Variants in GPC5 observed in about 807,000 individuals in gnomAD.
GPC5 encodes glypican-5.
GPC5 carries 47 observed loss-of-function variants against 53.9 expected under a neutral mutation model. The ratio of observed to expected loss-of-function variants is 0.87; its 90% CI spans 0.69 to 1.11. The LOEUF is 1.11. GPC5 is among the 50% of genes most tolerant of loss of function. The pLI, the probability that GPC5 is intolerant of heterozygous loss-of-function variation, is 0.00. For missense variants in GPC5, 748 were observed against 713.1 expected, an observed-to-expected ratio of 1.05 and a Z score of -0.56; for synonymous variants, 286 against 263.3, an observed-to-expected ratio of 1.09 and a Z score of -0.84.
At chr13:92,328,254 C>T (rs187926692) in intron 7 of GPC5, among the ~76,000 whole-genome samples, 193 of 152,192 alleles carry the variant, frequency 1.3e-3, no homozygotes, top group Non-Finnish European at 2.4e-3. Flanking sequence ...TAGTGATTTT[C>T]TTGGGTAGGC....
chr13:92,171,065 C>T (rs962349684), intron 7 of GPC5, among the ~76,000 whole-genome samples: 1 of 152,124 alleles, frequency 6.6e-6, no homozygotes, highest in African/African-American at 2.4e-5. Context: ...AGACACTTCT[C>T]TCTAACTACC....
At chr13:92,836,056 AG>A (rs1878207233) in intron 7 of GPC5, among the ~76,000 whole-genome samples, 1 of 151,856 alleles carries the variant, frequency 6.6e-6, no homozygotes, top group South Asian at 2.1e-4. Context: ...TGTCAATTGC[AG>A]GGATGATTTT....
At chr13:92,550,187 C>T (rs955053492) in intron 7 of GPC5, among the ~76,000 whole-genome samples, 2 of 151,040 alleles carry the variant, frequency 1.3e-5, no homozygotes, top group African/African-American at 2.4e-5. Flanking sequence ...TATTTGATTC[C>T]AATAATAGAA....
intron 7 of GPC5, among the ~76,000 whole-genome samples, chr13:92,385,905 G>A (rs571309777): frequency 6.1e-4 from 92 of 150,070 alleles, no homozygotes; most frequent in African/African-American, 2.1e-3. Flanking sequence ...AGTGACTCAC[G>A]TAAGCTTTAG....
chr13:92,269,791 A>C (rs1002910678), intron 7 of GPC5, among the ~76,000 whole-genome samples: 1 of 152,318 alleles, frequency 6.6e-6, no homozygotes, highest in Non-Finnish European at 1.5e-5. Context: ...TGCCAAAGCT[A>C]GAGCAGGATT....
At chr13:92,054,962 C>T (rs574326076) in intron 6 of GPC5, among the ~76,000 whole-genome samples, 4 of 152,150 alleles carry the variant, frequency 2.6e-5, no homozygotes, top group African/African-American at 9.6e-5. Context: ...TTTTCTGTCT[C>T]AAGAGTAACA....
intron 7 of GPC5, among the ~76,000 whole-genome samples, chr13:92,263,734 T>A (rs1173461663): frequency 2.0e-5 from 3 of 152,280 alleles, no homozygotes; most frequent in Non-Finnish European, 4.4e-5. Context: ...ACCTTAAGAA[T>A]CCATTTTGGC....
At chr13:92,035,506 C>T (rs2138815108) in intron 6 of GPC5, among the ~76,000 whole-genome samples, 1 of 152,202 alleles carries the variant, frequency 6.6e-6, no homozygotes, top group South Asian at 2.1e-4. Flanking sequence ...TGTCAGTTCT[C>T]CCACTGGTAT....
intron 2 of GPC5, among the ~76,000 whole-genome samples, chr13:91,477,519 T>C (rs1314561598): frequency 2.0e-5 from 3 of 152,160 alleles, no homozygotes; most frequent in Non-Finnish European, 2.9e-5. Context: ...AAGCAGCCAA[T>C]TGTCCATTGA....
chr13:92,098,493 A>G (rs980466163), intron 6 of GPC5, among the ~76,000 whole-genome samples: 6 of 152,354 alleles, frequency 3.9e-5, no homozygotes, highest in Non-Finnish European at 8.8e-5. Flanking sequence ...AGACCATTTA[A>G]GGAATTGAAA....
intron 7 of GPC5, among the ~76,000 whole-genome samples, chr13:92,647,163 A>G (rs183656934): frequency 1.1e-4 from 17 of 152,198 alleles, no homozygotes; most frequent in Admixed American, 1.1e-3. Context: ...TTGGATATAA[A>G]TTGTTAGAAC....
At chr13:91,652,895 T>G (rs1364140729) in intron 2 of GPC5, among the ~76,000 whole-genome samples, 2 of 152,194 alleles carry the variant, frequency 1.3e-5, no homozygotes, top group Non-Finnish European at 2.9e-5. Flanking sequence ...CTTGGGGAGA[T>G]CTTTTGACAC....
intron 2 of GPC5, among the ~76,000 whole-genome samples, chr13:91,690,854 G>C (rs1023115134): frequency 3.3e-5 from 5 of 152,140 alleles, no homozygotes; most frequent in African/African-American, 1.2e-4. Context: ...TTAGAAACCT[G>C]GGTGGAAAGC....
intron 7 of GPC5, among the ~76,000 whole-genome samples, chr13:92,316,265 G>A (rs1036658006): frequency 1.3e-5 from 2 of 152,086 alleles, no homozygotes; most frequent in African/African-American, 4.8e-5. Context: ...AAATGGTTGC[G>A]ATTTTAATTT....
At chr13:92,251,753 G>A (rs2042694232) in intron 7 of GPC5, among the ~76,000 whole-genome samples, 1 of 152,100 alleles carries the variant, frequency 6.6e-6, no homozygotes, top group South Asian at 2.1e-4. Context: ...TTTTTAGGAA[G>A]CTCTGCTGAA....
intron 2 of GPC5, among the ~76,000 whole-genome samples, chr13:91,629,684 T>A (rs997328792): frequency 7.9e-5 from 12 of 152,088 alleles, no homozygotes; most frequent in African/African-American, 2.9e-4. Flanking sequence ...GACTAGGACT[T>A]AAAAGGCATT....
intron 3 of GPC5, among the ~76,000 whole-genome samples, chr13:91,720,570 A>G (rs1473371344): frequency 6.6e-6 from 1 of 151,966 alleles, no homozygotes; most frequent in African/African-American, 2.4e-5. Context: ...TCTTTCCCCT[A>G]TGCTCATCCA....
At chr13:92,779,643 T>G (rs369166117) in intron 7 of GPC5, among the ~76,000 whole-genome samples, 1 of 152,130 alleles carries the variant, frequency 6.6e-6, no homozygotes, top group South Asian at 2.1e-4. Flanking sequence ...CAGACTTCAG[T>G]CACCATGTCT....
At chr13:92,704,111 G>C (rs1399781904) in intron 7 of GPC5, among the ~76,000 whole-genome samples, 1 of 152,034 alleles carries the variant, frequency 6.6e-6, no homozygotes, top group African/African-American at 2.4e-5. Flanking sequence ...ATTGGCGTTG[G>C]AAGTTTACAT....
Sources: allele counts gnomAD v4.1 joint callset (sites outside exome capture counted in the v4.1 genomes callset), GRCh38; gene constraint gnomAD v4.1.1; transcripts MANE v1.5; gene names NCBI Gene and HGNC (gene_info 2026-07-23, HGNC 2026-07-21).